GABBR2: variants seen among roughly 807,000 people sequenced by gnomAD.
The protein encoded by GABBR2 is G-protein coupled receptor 51.
Under a neutral mutation model 105.6 loss-of-function variants are expected in GABBR2, and 23 were observed. The ratio of observed to expected loss-of-function variants is 0.22; its 90% CI spans 0.16 to 0.31. GABBR2 has a LOEUF of 0.31. GABBR2 is among the 10% of genes least tolerant of loss of function. The pLI is 1.00. For missense variants in GABBR2, 734 were observed against 1,245.5 expected (o/e 0.59, Z 6.18); for synonymous variants, 478 against 499.7 (o/e 0.96, Z 0.58).
intron 13 of GABBR2, among the ~76,000 whole-genome samples, chr9:98,325,819 C>T (rs1830912402): frequency 6.6e-6 from 1 of 152,148 alleles, no homozygotes. Context: ...TTGGGGCTTG[C>T]AATAGTCACA....
At chr9:98,376,728 A>G (rs1427773126) in intron 11 of GABBR2, among the ~76,000 whole-genome samples, 3 of 152,192 alleles carry the variant, frequency 2.0e-5, no homozygotes, top group Non-Finnish European at 2.9e-5. Context: ...TCTTCTGGGT[A>G]AGACCTGTAT....
chr9:98,482,647 T>C (rs1826949332), intron 4 of GABBR2, among the ~76,000 whole-genome samples: 3 of 152,318 alleles, frequency 2.0e-5, no homozygotes, highest in Middle Eastern at 3.4e-3. Flanking sequence ...GCTTATTAGA[T>C]TTTGAAGTCA....
At chr9:98,318,945 G>A (rs959410721) in intron 13 of GABBR2, among the ~76,000 whole-genome samples, 6 of 151,786 alleles carry the variant, frequency 4.0e-5, no homozygotes, top group African/African-American at 1.5e-4. Flanking sequence ...TGGTGTGTGT[G>A]TATTAGGGGG....
chr9:98,429,101 A>T (rs1191739910), intron 7 of GABBR2, among the ~76,000 whole-genome samples: 1 of 147,960 alleles, frequency 6.8e-6, no homozygotes, highest in East Asian at 2.1e-4. Context: ...TGATTAAATT[A>T]AAAACTCACC....
At chr9:98,642,190 A>G (rs1320682831) in intron 1 of GABBR2, among the ~76,000 whole-genome samples, 1 of 152,142 alleles carries the variant, frequency 6.6e-6, no homozygotes, top group African/African-American at 2.4e-5. Context: ...ACAACCAAGG[A>G]AGGTAACGGC....
rs142609998 is a variant in GABBR2 at position 98,341,923 on chromosome 9, A to C, written c.1893+20792T>G. ...AGATGGGTTGAAATTGGACATATGGAGGCATGGGGAGAGCTCCAGGTGGAG... is the reference window on the plus strand; with the variant it reads ...AGATGGGTTGAAATTGGACATATGGCGGCATGGGGAGAGCTCCAGGTGGAG... On this transcript the variant is annotated intron_variant, in intron 13 of 18. Coordinates refer to ENST00000259455, the MANE Select transcript of GABBR2 (RefSeq NM_005458.8). 5.3e-5 allele frequency among the ~76,000 whole-genome samples: 8 copies of C among 152,262 alleles called. No individual in the cohort carries two copies. In the East Asian group the frequency reaches 1.4e-3, roughly 26 times the overall value.
intron 12 of GABBR2, 48 bp from the exon 13 acceptor site, chr9:98,362,885 C>A (rs1318945972): frequency 2.8e-6 from 4 of 1,440,256 alleles, no homozygotes; most frequent in Non-Finnish European, 3.7e-6. Flanking sequence ...GAGACAGCTT[C>A]CCACGCAGCA....
Position 98,695,647 on chromosome 9 carries a change from T to C in GABBR2, c.321+12770A>G, listed in dbSNP as rs561841403. ...AAAATGATAACAGTAAAACTTAGTATAAAATCTAGTCAGTGTGGATCCCTG... is the reference window on the plus strand; with the variant it reads ...AAAATGATAACAGTAAAACTTAGTACAAAATCTAGTCAGTGTGGATCCCTG... On this transcript the variant is annotated intron_variant, in intron 1 of 18. Coordinates refer to ENST00000259455, the MANE Select transcript of GABBR2 (RefSeq NM_005458.8). Among the ~76,000 whole-genome samples the C allele has an allele frequency of 3.3e-5, 5 of 152,338 alleles. No homozygotes were observed. In the South Asian group the frequency reaches 1.0e-3, roughly 32 times the overall value.
At chr9:98,524,039 T>C (rs966777297) in intron 3 of GABBR2, among the ~76,000 whole-genome samples, 2 of 152,110 alleles carry the variant, frequency 1.3e-5, no homozygotes, top group Non-Finnish European at 2.9e-5. Flanking sequence ...TCCTGAAATA[T>C]ATGCTAATAA....
intron 2 of GABBR2, among the ~76,000 whole-genome samples, chr9:98,573,706 C>T (rs1164315148): frequency 5.3e-5 from 8 of 152,146 alleles, no homozygotes; most frequent in Non-Finnish European, 1.2e-4. Context: ...ATACTGTACA[C>T]AATATAGAAG....
At chr9:98,412,800 G>T (rs1832613078) in intron 7 of GABBR2, among the ~76,000 whole-genome samples, 1 of 152,208 alleles carries the variant, frequency 6.6e-6, no homozygotes, top group Admixed American at 6.5e-5. Context: ...CCCCATTCCG[G>T]AGAGAGCCCT....
rs1032879634 is a variant in GABBR2, at chr9:98,388,393, T to C, written c.1529+461A>G. Among the ~76,000 whole-genome samples the C allele has an allele frequency of 1.2e-4, 18 of 152,244 alleles. No homozygotes were observed. Among genetic ancestry groups the C allele is most frequent in the African/African-American group, 4.3e-4 (18 of 41,552 alleles). On this transcript the variant is annotated intron_variant, in intron 10 of 18. Transcript: ENST00000259455. This position sits in a 1 kb window ranked among gnomAD's most constrained non-coding sequence, Gnocchi z 4.4. The stretch of plus-strand genomic sequence containing the variant: ...TGAACTGTACCAATGGGAGTCCATT[T>C]CACTGGACTTTGTGACCCCCTTCAG...
chr9:98,590,920 T>G (rs139106761), intron 1 of GABBR2, among the ~76,000 whole-genome samples: 1 of 152,312 alleles, frequency 6.6e-6, no homozygotes, highest in Non-Finnish European at 1.5e-5. Context: ...TTAGAGAATA[T>G]TCATTCATCC....
chr9:98,437,795 T>C (rs1825953851), intron 7 of GABBR2, among the ~76,000 whole-genome samples: 1 of 150,634 alleles, frequency 6.6e-6, no homozygotes, highest in Non-Finnish European at 1.5e-5. Context: ...CCTATAGCTA[T>C]TGACCTACCC....
At chr9:98,673,781 T>C (rs1486762325) in intron 1 of GABBR2, among the ~76,000 whole-genome samples, 1 of 152,206 alleles carries the variant, frequency 6.6e-6, no homozygotes, top group African/African-American at 2.4e-5. Flanking sequence ...ATTGCCACTA[T>C]CACTGTGGTT....
chr9:98,458,140 C>G (rs941181172), intron 6 of GABBR2, among the ~76,000 whole-genome samples: 5 of 152,206 alleles, frequency 3.3e-5, no homozygotes, highest in Non-Finnish European at 5.9e-5. Context: ...TGTGACTAAA[C>G]CTTATGAGTC....
intron 1 of GABBR2, among the ~76,000 whole-genome samples, chr9:98,688,143 C>T (rs1830643183): frequency 6.6e-6 from 1 of 152,168 alleles, no homozygotes; most frequent in Non-Finnish European, 1.5e-5. Flanking sequence ...CCCTCTAAGG[C>T]TCATTGACTT....
At position 98,351,475 on chromosome 9, in the gene GABBR2, G is replaced by A. The variant is rs1831398442; in HGVS notation, c.1893+11240C>T. On this transcript the variant is annotated intron_variant, in intron 13 of 18. Coordinates refer to ENST00000259455, the MANE Select transcript of GABBR2 (RefSeq NM_005458.8). ...TACCATCCTTTCACTCCCAGATGTA[G>A]GAATCCCTTAACCATTTCTTGTAGG... Among the ~76,000 whole-genome samples the A allele has an allele frequency of 2.6e-5, 4 of 152,270 alleles. No individual in the cohort carries two copies. In the South Asian group the frequency reaches 8.3e-4, roughly 32 times the overall value.
At chr9:98,557,799 T>C (rs1047835792) in intron 2 of GABBR2, among the ~76,000 whole-genome samples, 9 of 152,234 alleles carry the variant, frequency 5.9e-5, no homozygotes, top group Non-Finnish European at 1.0e-4. Context: ...GGCATTTAGA[T>C]AAAATTATGA....
Sources: allele counts gnomAD v4.1 joint callset (sites outside exome capture counted in the v4.1 genomes callset), GRCh38; gene constraint gnomAD v4.1.1; non-coding constraint Gnocchi (gnomAD v3.1); transcripts MANE v1.5; gene names NCBI Gene and HGNC (gene_info 2026-07-23, HGNC 2026-07-21).